The following ARMC8 variants were observed in gnomAD, a reference collection of about 807,000 sequenced individuals.
ARMC8 encodes the protein armadillo repeat containing 8.
ARMC8 carries 20 observed loss-of-function variants against 99.3 expected under a neutral mutation model. That is an observed-to-expected ratio of 0.20 (90% CI 0.14 to 0.29). The LOEUF (loss-of-function observed/expected upper bound fraction) is 0.29, where lower values mean the gene tolerates loss of function less well. Ranked by LOEUF, ARMC8 falls within the 10% of genes least tolerant of loss-of-function variation. The probability of loss-of-function intolerance (pLI) is 1.00; values close to 1 mark genes in which losing one functional copy is unlikely to be tolerated. For synonymous variants in ARMC8, 263 were observed against 278.3 expected, an observed-to-expected ratio of 0.95 and a Z score of 0.55; for missense variants, 569 against 809.5, an observed-to-expected ratio of 0.70 and a Z score of 3.60.
intron 3 of ARMC8, 135 bp downstream of exon 3, chr3:138,222,132 G>A (rs929563766): frequency 3.8e-5 from 25 of 654,558 alleles, no homozygotes; most frequent in Non-Finnish European, 6.1e-5. Context: ...AAAAATAAAT[G>A]TAAGTATTTA....
At chr3:138,200,146 A>G (rs562211298) in intron 1 of ARMC8, among the ~76,000 whole-genome samples, 1 of 152,218 alleles carries the variant, frequency 6.6e-6, no homozygotes, top group African/African-American at 2.4e-5. Flanking sequence ...AAAAGTTGAT[A>G]TAATGCTCCA....
At chr3:138,225,370 A>G (rs1396544329) in intron 5 of ARMC8, among the ~76,000 whole-genome samples, 1 of 152,090 alleles carries the variant, frequency 6.6e-6, no homozygotes, top group Non-Finnish European at 1.5e-5. Flanking sequence ...CGGCCTCCCA[A>G]AGTGCTGGGA....
At chr3:138,228,562 T>C (rs948890110) in intron 5 of ARMC8, 11 of 369,766 alleles carry the variant, frequency 3.0e-5, no homozygotes, top group African/African-American at 1.7e-4. Flanking sequence ...CCTTATAAAC[T>C]ATTTACTAGT....
chr3:138,200,904 CTTTTTTTTTTTTTT>C (rs34087212), intron 1 of ARMC8, among the ~76,000 whole-genome samples: 27 of 63,382 alleles, frequency 4.3e-4, no homozygotes, highest in African/African-American at 9.4e-4. Context: ...CTTCAGTGGG[CTTTTTTTTTTTTTT>C]TTTTTTTTTT....
intron 1 of ARMC8, among the ~76,000 whole-genome samples, chr3:138,198,966 T>C (rs1350937538): frequency 6.6e-6 from 1 of 152,154 alleles, no homozygotes; most frequent in Non-Finnish European, 1.5e-5. Context: ...TTAAAAATTA[T>C]ATATTTTAGT....
chr3:138,207,225 CT>C (rs1277932827), intron 1 of ARMC8, among the ~76,000 whole-genome samples: 8 of 152,238 alleles, frequency 5.3e-5, no homozygotes, highest in Non-Finnish European at 1.5e-5. Context: ...CCTGATTCCC[CT>C]GGTTTACAAA....
At chr3:138,187,837 G>C (rs1206794737) in intron 1 of ARMC8, 1 of 559,188 alleles carries the variant, frequency 1.8e-6, no homozygotes, top group African/African-American at 1.9e-5. Flanking sequence ...TCCCAGGATG[G>C]CGTCTGGCAG....
At chr3:138,265,925 C>T (rs1263233969) in intron 14 of ARMC8, among the ~76,000 whole-genome samples, 7 of 151,990 alleles carry the variant, frequency 4.6e-5, no homozygotes, top group African/African-American at 1.7e-4. Context: ...CCATATGAAC[C>T]CTGGAGCTAC....
At chr3:138,229,214 T>A (rs539223101) in intron 6 of ARMC8, among the ~76,000 whole-genome samples, 3,142 of 131,264 alleles carry the variant, frequency 0.024, 258 homozygotes, top group African/African-American at 0.089. Context: ...ATATATAAAA[T>A]ATATATATAT....
chr3:138,245,015 C>G, intron 11 of ARMC8, 73 bp from the exon 12 acceptor site: 1 of 1,515,632 alleles, frequency 6.6e-7, no homozygotes, highest in Non-Finnish European at 8.9e-7. Context: ...CTTTTTTTTT[C>G]TTCAACTCAG....
intron 12 of ARMC8, among the ~76,000 whole-genome samples, chr3:138,253,131 A>G (rs1471968943): frequency 2.0e-5 from 3 of 152,170 alleles, no homozygotes; most frequent in African/African-American, 7.2e-5. Context: ...TTCACTTATT[A>G]AGCAAATATA....
At position 138,232,401 on chromosome 3, in the gene ARMC8, C is replaced by T. The variant is rs544415027; in HGVS notation, c.529-2633C>T. ...GACGGAAAAAAGTAAGGTATCTTGTCAGCACCAGGGAACAATTATATATAG... is the reference window on the plus strand; with the variant it reads ...GACGGAAAAAAGTAAGGTATCTTGTTAGCACCAGGGAACAATTATATATAG... On this transcript the variant is annotated intron_variant, in intron 6 of 21. Transcript: ENST00000469044. 3.9e-5 allele frequency among the ~76,000 whole-genome samples: 6 copies of T among 152,296 alleles called. No individual in the cohort carries two copies. The East Asian group carries it at 1.2e-3, about 29-fold the overall frequency.
At chr3:138,227,554 C>T (rs527264258) in intron 5 of ARMC8, among the ~76,000 whole-genome samples, 18 of 152,336 alleles carry the variant, frequency 1.2e-4, no homozygotes, top group African/African-American at 4.1e-4. Flanking sequence ...TACTAACAAA[C>T]GGGGAAGAGA....
rs535916852 is a variant in ARMC8 at position 138,274,488 on chromosome 3, A to G, written c.1669A>G (p.Met557Val). ...AATGAGTACTCATGGAAAGCAAATTATGCAAGCCGTCACTCTTATTCTAGA... is the reference window on the plus strand; with the variant it reads ...AATGAGTACTCATGGAAAGCAAATTGTGCAAGCCGTCACTCTTATTCTAGA... ...KIMSTHGKQI[M>V]QAVTLILEGE... The change falls in exon 18 of 22, where the codon ATG becomes GTG. Residue 557 changes from methionine (M) to valine (V), a missense_variant. This residue lies in a region of ARMC8 where 227 missense variants were observed against 417.9 expected (regional missense o/e 0.54). Transcript: ENST00000469044. 4 of 1,613,068 alleles carry G rather than the reference A, an allele frequency of 2.5e-6. No individual in the cohort carries two copies. The Admixed American group carries it at 6.7e-5, about 27-fold the overall frequency.
At chr3:138,274,963 T>C (rs1318126338) in intron 18 of ARMC8, among the ~76,000 whole-genome samples, 3 of 152,224 alleles carry the variant, frequency 2.0e-5, no homozygotes, top group Admixed American at 2.0e-4. Context: ...TGGAGATAGT[T>C]TTCATTTCTT....
At chr3:138,262,501 C>G (rs779050902) in intron 12 of ARMC8, 2 of 1,588,534 alleles carry the variant, frequency 1.3e-6, no homozygotes, top group African/African-American at 2.7e-5. Context: ...GTTTTCCACT[C>G]TCTCATGTTC....
chr3:138,276,986 C>T (rs538660629), intron 18 of ARMC8, among the ~76,000 whole-genome samples: 11 of 152,176 alleles, frequency 7.2e-5, no homozygotes, highest in African/African-American at 2.6e-4. Context: ...AAAACAGGAA[C>T]AATTGGAGGA....
chr3:138,187,487 A>G lies in ARMC8; in HGVS notation c.-68A>G, dbSNP rs548878349. ...TAGGGAGCGGTGCCTAGCGTTGGCCAATAGTTGGCTGTCGAAAGTGCCGGC... is the reference window on the plus strand; with the variant it reads ...TAGGGAGCGGTGCCTAGCGTTGGCCGATAGTTGGCTGTCGAAAGTGCCGGC... On this transcript the variant is annotated 5_prime_UTR_variant, in exon 1 of 22. Coordinates refer to ENST00000469044, the MANE Select transcript of ARMC8 (RefSeq NM_001363941.2). 39 of 1,503,386 alleles carry G rather than the reference A, an allele frequency of 2.6e-5. No homozygotes were observed. The Admixed American group carries it at 5.5e-4, about 21-fold the overall frequency. The allele number at this position is 1,503,386 out of a possible 1,614,324, so 93.1% of individuals were successfully genotyped here.
At chr3:138,213,960 A>G (rs2044856902) in intron 2 of ARMC8, among the ~76,000 whole-genome samples, 1 of 152,080 alleles carries the variant, frequency 6.6e-6, no homozygotes, top group Admixed American at 6.6e-5. Context: ...CAGGAGTTCC[A>G]GCTTGGACAA....
Sources: gnomAD v4.1 joint callset for allele counts (sites outside exome capture counted in the v4.1 genomes callset) on GRCh38, gnomAD v4.1.1 for gene constraint, gnomAD v4.1.1 regional missense constraint, MANE v1.5 for transcripts, NCBI Gene and HGNC (gene_info 2026-07-23, HGNC 2026-07-21) for gene names.